Variants in AFAP1L2 observed in about 807,000 individuals in gnomAD.
The protein encoded by AFAP1L2 is actin filament-associated protein 1-like 2.
A neutral mutation model predicts 99.3 loss-of-function variants in AFAP1L2; 46 were observed. The observed-to-expected ratio is 0.46, with a 90% confidence interval of 0.37 to 0.59. The LOEUF (loss-of-function observed/expected upper bound fraction) is 0.59. Ranked by LOEUF, AFAP1L2 falls within the 20% of genes least tolerant of loss-of-function variation. The pLI, the probability that AFAP1L2 is intolerant of heterozygous loss-of-function variation, is 0.00. For synonymous variants in AFAP1L2, 397 were observed against 419.1 expected (o/e 0.95, Z 0.64); for missense variants, 959 against 1,034.9 (o/e 0.93, Z 1.01).
chr10:114,313,306 C>A (rs547444014), intron 7 of AFAP1L2, among the ~76,000 whole-genome samples: 1 of 152,280 alleles, frequency 6.6e-6, no homozygotes, highest in African/African-American at 2.4e-5. Context: ...AGCCCCTCCC[C>A]AAGTGCCTCA....
rs759247168 is a variant in AFAP1L2 at position 114,307,909 on chromosome 10, A to G, written c.968T>C (p.Val323Ala). 12 of 1,614,014 alleles carry G rather than the reference A, an allele frequency of 7.4e-6. No homozygotes were observed. In the Admixed American group the frequency reaches 1.2e-4, roughly 16 times the overall value. ...GHPEVPETKD[V>A]KKKCSAGLKL... ...GAGGCCAGCAGAACATTTCTTCTTGACTGTCAAGATGAGACAGAAAGCAAT... is the reference window on the plus strand; with the variant it reads ...GAGGCCAGCAGAACATTTCTTCTTGGCTGTCAAGATGAGACAGAAAGCAAT... The change falls in exon 10 of 19, where the codon GTC (valine) becomes GCC (alanine). Residue 323 changes from valine to alanine, a missense_variant and splice_region_variant. By Grantham distance (64) the Val-to-Ala change is moderately conservative. Around this residue, in one of 2 missense-constraint regions of AFAP1L2, gnomAD observed 383 missense variants for 472.8 expected, o/e 0.81. Transcript: ENST00000304129.
intron 1 of AFAP1L2, among the ~76,000 whole-genome samples, chr10:114,373,202 C>T (rs979401241): frequency 3.9e-5 from 6 of 152,110 alleles, no homozygotes; most frequent in Admixed American, 1.3e-4. Context: ...ACGATCATGC[C>T]GCTGCACTCC....
At chr10:114,384,315 T>G (rs2056186877) in intron 1 of AFAP1L2, among the ~76,000 whole-genome samples, 2 of 151,510 alleles carry the variant, frequency 1.3e-5, no homozygotes, top group African/African-American at 2.4e-5. Context: ...AATGGCATCT[T>G]GTCTGTCGTC....
chr10:114,358,970 C>A (rs1016005092), intron 1 of AFAP1L2, among the ~76,000 whole-genome samples: 1 of 152,028 alleles, frequency 6.6e-6, no homozygotes, highest in African/African-American at 2.4e-5. Context: ...ATCTAAGAGA[C>A]GACTGTTCGC....
chr10:114,322,947 G>C (rs530471908), intron 5 of AFAP1L2, among the ~76,000 whole-genome samples: 1 of 152,328 alleles, frequency 6.6e-6, no homozygotes, highest in South Asian at 2.1e-4. Flanking sequence ...CTCCTTGCAG[G>C]ACAGCTAGGT....
At chr10:114,335,780 C>CA (rs968487177) in intron 2 of AFAP1L2, among the ~76,000 whole-genome samples, 5 of 151,920 alleles carry the variant, frequency 3.3e-5, no homozygotes, top group African/African-American at 7.2e-5. Context: ...TTCAGAATAG[C>CA]AAAAAAAGAA....
chr10:114,327,177 T>TATATATATATATATATATA (rs2046492525), intron 4 of AFAP1L2, among the ~76,000 whole-genome samples: 1 of 67,232 alleles, frequency 1.5e-5, no homozygotes, highest in Non-Finnish European at 4.1e-5. Context: ...ATATATATTT[T>TATATATATATATATATATA]TTTTTTAGGC....
At chr10:114,392,674 T>C (rs920228133) in intron 1 of AFAP1L2, among the ~76,000 whole-genome samples, 1 of 152,230 alleles carries the variant, frequency 6.6e-6, no homozygotes, top group Non-Finnish European at 1.5e-5. Context: ...TTCACACTCA[T>C]AATGGTAATT....
intron 12 of AFAP1L2, 60 bp from the exon 13 acceptor site, chr10:114,301,525 G>GA (rs2041190898): frequency 1.6e-6 from 2 of 1,259,364 alleles, no homozygotes; most frequent in Non-Finnish European, 2.3e-6. Context: ...GAAAGCACCA[G>GA]ACTCCAAGGA....
At chr10:114,326,109 A>G in intron 4 of AFAP1L2, 1 of 1,204,786 alleles carries the variant, frequency 8.3e-7, no homozygotes, top group Middle Eastern at 2.3e-4. Context: ...CATCATCACC[A>G]CAGGGTCTGT....
chr10:114,404,634 A>T, upstream of AFAP1L2: 1 of 875,002 alleles, frequency 1.1e-6, no homozygotes, highest in East Asian at 3.7e-5. Flanking sequence ...GCTCGCCCCC[A>T]GCGCCCCTGT....
chr10:114,283,220 T>C, the AFAP1L2 span, among the ~76,000 whole-genome samples: 1 of 152,124 alleles, frequency 6.6e-6, no homozygotes, highest in African/African-American at 2.4e-5. Flanking sequence ...ATGAGTAGCC[T>C]GTCTCCCGGA....
Position 114,307,822 on chromosome 10 carries a change from C to T in AFAP1L2, c.1055G>A (p.Arg352Lys). The change falls in exon 10 of 19, where the codon AGG (arginine) becomes AAG (lysine). Residue 352 changes from arginine to lysine, a missense_variant. Physicochemically the swap from Arg to Lys is conservative, Grantham distance 26. Coordinates refer to ENST00000304129, the MANE Select transcript of AFAP1L2 (RefSeq NM_001001936.3). ...ATTCTTACTGGATGTCTCGAGGGACCTCTCCACAGGCTCCAGTGAGGTGGA... is the reference window on the plus strand; with the variant it reads ...ATTCTTACTGGATGTCTCGAGGGACTTCTCCACAGGCTCCAGTGAGGTGGA... ...KKSTSLEPVE[R>K]SLETSSYLNV... 3.1e-6 allele frequency: 5 copies of T among 1,614,048 alleles called. No homozygotes were observed. The highest frequency in any genetic ancestry group is 4.2e-6 in the Non-Finnish European group (5 of 1,179,956).
chr10:114,332,825 G>A (rs1339210218), intron 3 of AFAP1L2, among the ~76,000 whole-genome samples: 1 of 152,226 alleles, frequency 6.6e-6, no homozygotes, highest in Non-Finnish European at 1.5e-5. Flanking sequence ...TATTAAGGCA[G>A]TTGCTGACAC....
chr10:114,349,508 A>C (rs930880791), intron 1 of AFAP1L2, among the ~76,000 whole-genome samples: 8 of 149,136 alleles, frequency 5.4e-5, no homozygotes, highest in Admixed American at 4.0e-4. Context: ...GCTTGAGCCC[A>C]GGAGTTCAAA....
At chr10:114,339,417 C>T (rs1394735118) in intron 2 of AFAP1L2, among the ~76,000 whole-genome samples, 4 of 152,138 alleles carry the variant, frequency 2.6e-5, no homozygotes, top group African/African-American at 7.2e-5. Context: ...ACAACACTCC[C>T]GCCTAGGCGA....
chr10:114,370,245 C>G (rs1024709511), intron 1 of AFAP1L2, among the ~76,000 whole-genome samples: 19 of 152,198 alleles, frequency 1.2e-4, no homozygotes, highest in Admixed American at 1.2e-3. Context: ...CTAATCAGAT[C>G]ACACACACCA....
intron 5 of AFAP1L2, among the ~76,000 whole-genome samples, chr10:114,317,143 G>A (rs1262098335): frequency 6.0e-5 from 2 of 33,174 alleles, no homozygotes; most frequent in Non-Finnish European, 9.8e-5. Context: ...AAATGTTGTC[G>A]ATTTTACTAA....
chr10:114,342,542 G>A (rs143765802), intron 1 of AFAP1L2, among the ~76,000 whole-genome samples: 2 of 152,192 alleles, frequency 1.3e-5, no homozygotes, highest in Non-Finnish European at 2.9e-5. Context: ...TTGTGCAGGT[G>A]AGCACAGTGT....
Sources: allele counts gnomAD v4.1 joint callset (sites outside exome capture counted in the v4.1 genomes callset), GRCh38; gene constraint gnomAD v4.1.1; regional missense constraint gnomAD v4.1.1; transcripts MANE v1.5; gene names NCBI Gene and HGNC (gene_info 2026-07-23, HGNC 2026-07-21).